The following IRAK1BP1 variants were observed in gnomAD, a reference collection of about 807,000 sequenced individuals.
The protein encoded by IRAK1BP1 is interleukin-1 receptor-associated kinase 1-binding protein 1.
In IRAK1BP1, 24 loss-of-function variants were observed where a neutral mutation model predicts 28.0. That is an observed-to-expected ratio of 0.86 (90% CI 0.62 to 1.20). The LOEUF is 1.20. IRAK1BP1 is among the 50% of genes most tolerant of loss of function. IRAK1BP1 has a pLI of 0.00. For synonymous variants in IRAK1BP1, 131 were observed against 116.3 expected (o/e 1.13, Z -0.81); for missense variants, 336 against 316.7 (o/e 1.06, Z -0.46).
In IRAK1BP1 at chr6:78,867,593, C is replaced by A. The variant is rs774705843; in HGVS notation, c.17C>A (p.Thr6Asn). The change falls in exon 1 of 4, where the codon ACC becomes AAC. Residue 6 changes from threonine to asparagine, a missense_variant. Transcript: ENST00000369940. MSLQKTPPTRVFVELV... is the reference protein window; with the variant it reads MSLQKNPPTRVFVELV... ...GCCATCGCTATGTCTCTGCAAAAGA[C>A]CCCTCCGACCCGAGTGTTCGTGGAA... is the stretch of plus-strand genomic sequence containing the variant. 6.2e-7 allele frequency: 1 copy of A among 1,613,830 alleles called. No homozygotes were observed. Among genetic ancestry groups the A allele is most frequent in the Admixed American group, 1.7e-5 (1 of 59,994 alleles).
intron 4 of IRAK1BP1, among the ~76,000 whole-genome samples, chr6:78,944,101 A>G (rs558431592): frequency 2.0e-5 from 3 of 152,052 alleles, no homozygotes; most frequent in African/African-American, 7.2e-5. Flanking sequence ...GCAACAGACA[A>G]TTAAACTAGG....
At chr6:78,974,270 A>G in the IRAK1BP1 span, among the ~76,000 whole-genome samples, 3 of 152,140 alleles carry the variant, frequency 2.0e-5, no homozygotes, top group African/African-American at 4.8e-5. Context: ...CTGCTCCTGA[A>G]TGACTACTGG....
At chr6:78,920,404 T>C (rs953762312) in intron 4 of IRAK1BP1, among the ~76,000 whole-genome samples, 1 of 151,946 alleles carries the variant, frequency 6.6e-6, no homozygotes, top group African/African-American at 2.4e-5. Flanking sequence ...GTAACCAAAA[T>C]AGGATGGTAC....
the IRAK1BP1 span, among the ~76,000 whole-genome samples, chr6:78,959,876 C>T: frequency 4.6e-5 from 7 of 152,070 alleles, no homozygotes; most frequent in East Asian, 5.8e-4. Flanking sequence ...AAAATGCATG[C>T]GATATACTTA....
intron 2 of IRAK1BP1, among the ~76,000 whole-genome samples, chr6:78,889,990 AT>A (rs1319919035): frequency 6.6e-6 from 1 of 152,156 alleles, no homozygotes; most frequent in African/African-American, 2.4e-5. Context: ...TTGCAGCACT[AT>A]TTACAACAGC....
downstream of IRAK1BP1, chr6:78,947,852 G>T: frequency 2.1e-6 from 2 of 933,710 alleles, no homozygotes; most frequent in South Asian, 1.7e-5. Context: ...ATTCGCACAG[G>T]ATTTTTATGA....
At chr6:78,891,796 A>G (rs1771674040) in intron 2 of IRAK1BP1, among the ~76,000 whole-genome samples, 1 of 152,182 alleles carries the variant, frequency 6.6e-6, no homozygotes, top group Non-Finnish European at 1.5e-5. Flanking sequence ...TATAATAGGT[A>G]TTCAATACTG....
In IRAK1BP1 at chr6:78,900,856, A is replaced by G. The variant is rs1224694097; in HGVS notation, c.*2522A>G. ...CTCTGAAAATAGTAGCTGATATATC[A>G]GCTGCATTGTTTGATTATTGTTGGC... On this transcript the variant is annotated 3_prime_UTR_variant, in exon 4 of 4. Transcript: ENST00000369940. The G allele has an allele frequency of 6.6e-6, 1 of 152,210 alleles. No individual in the cohort carries two copies. The highest frequency in any genetic ancestry group is 1.5e-5 in the Non-Finnish European group (1 of 68,022). 9.4% of individuals were successfully genotyped at this position (152,210 alleles called of 1,614,324 possible). A position where few individuals can be genotyped will look rare whatever the true frequency, so the allele number is the denominator to read the frequency against.
the IRAK1BP1 span, among the ~76,000 whole-genome samples, chr6:78,973,351 C>A: frequency 6.6e-6 from 1 of 150,516 alleles, no homozygotes; most frequent in Non-Finnish European, 1.5e-5. Flanking sequence ...ACCACCAGGC[C>A]TGCCCTACAA....
At chr6:78,881,323 C>T (rs1420354975) in intron 1 of IRAK1BP1, among the ~76,000 whole-genome samples, 3 of 152,038 alleles carry the variant, frequency 2.0e-5, no homozygotes, top group Non-Finnish European at 2.9e-5. Context: ...AAAAGCAAAA[C>T]TATGGGGAAC....
At chr6:78,978,566 T>C in the IRAK1BP1 span, 8 of 1,543,494 alleles carry the variant, frequency 5.2e-6, no homozygotes, top group South Asian at 5.0e-5. Flanking sequence ...TGAGGAAAAA[T>C]GGATAATTTA....
the IRAK1BP1 span, chr6:78,957,519 T>C: frequency 2.6e-5 from 4 of 151,028 alleles, no homozygotes; most frequent in East Asian, 5.8e-4. Context: ...TTAAAACACA[T>C]TAATCAAAAA....
chr6:78,905,360 A>C (rs1255538353), downstream of IRAK1BP1, among the ~76,000 whole-genome samples: 1 of 152,228 alleles, frequency 6.6e-6, no homozygotes. Flanking sequence ...GACAGATTTC[A>C]GCCCTCAGTT....
At chr6:78,922,450 G>A (rs181990239) in intron 4 of IRAK1BP1, among the ~76,000 whole-genome samples, 1 of 152,322 alleles carries the variant, frequency 6.6e-6, no homozygotes, top group Non-Finnish European at 1.5e-5. Flanking sequence ...CATCTGATTG[G>A]TGTACCTGAA....
intron 4 of IRAK1BP1, among the ~76,000 whole-genome samples, chr6:78,942,070 T>G (rs1273703129): frequency 6.6e-6 from 1 of 152,200 alleles, no homozygotes; most frequent in Non-Finnish European, 1.5e-5. Flanking sequence ...TTTGATATGG[T>G]AGGTGATTTG....
At chr6:78,869,192 A>G (rs1770703129) in intron 1 of IRAK1BP1, among the ~76,000 whole-genome samples, 3 of 152,232 alleles carry the variant, frequency 2.0e-5, no homozygotes, top group Non-Finnish European at 2.9e-5. Flanking sequence ...AGTTATTTAC[A>G]TAAAATAAAA....
chr6:78,868,082 G>A (rs1391769438), intron 1 of IRAK1BP1, among the ~76,000 whole-genome samples, 191 bp downstream of exon 1: 1 of 152,228 alleles, frequency 6.6e-6, no homozygotes, highest in Non-Finnish European at 1.5e-5. Flanking sequence ...TCTTCTCCTA[G>A]ACGAAGGTAA....
the IRAK1BP1 span, chr6:78,963,275 T>C: frequency 8.8e-5 from 139 of 1,578,272 alleles, no homozygotes; most frequent in Non-Finnish European, 1.2e-4. Flanking sequence ...AGCAGATCAT[T>C]GCAAATACAT....
intron 1 of IRAK1BP1, 68 bp from the exon 2 acceptor site, chr6:78,885,310 T>C: frequency 1.1e-6 from 1 of 878,498 alleles, no homozygotes; most frequent in South Asian, 1.5e-5. Flanking sequence ...TGTAGGTTTC[T>C]AATTTATGTT....
Sources: gnomAD v4.1 joint callset for allele counts (sites outside exome capture counted in the v4.1 genomes callset) on GRCh38, gnomAD v4.1.1 for gene constraint, MANE v1.5 for transcripts, NCBI Gene and HGNC (gene_info 2026-07-23, HGNC 2026-07-21) for gene names.